Variants in ASCC3 observed in about 807,000 individuals in gnomAD.
ASCC3 encodes the protein ASC-1 complex subunit P200.
A neutral mutation model predicts 256.3 loss-of-function variants in ASCC3; 158 were observed. That is an observed-to-expected ratio of 0.62 (90% confidence interval 0.54 to 0.70). The LOEUF (loss-of-function observed/expected upper bound fraction) is 0.70, where lower values mean the gene tolerates loss of function less well. Ranked by LOEUF, ASCC3 falls within the 30% of genes least tolerant of loss-of-function variation. The probability of loss-of-function intolerance (pLI) is 0.00; values close to 1 mark genes in which losing one functional copy is unlikely to be tolerated. For missense variants in ASCC3, 2,259 were observed against 2,626.0 expected (o/e 0.86, Z 3.05); for synonymous variants, 948 against 883.4 (o/e 1.07, Z -1.30).
intron 36 of ASCC3, among the ~76,000 whole-genome samples, chr6:100,561,035 C>T (rs1388671872): frequency 6.6e-6 from 1 of 151,380 alleles, no homozygotes; most frequent in African/African-American, 2.4e-5. Flanking sequence ...ATATAGCAAC[C>T]AACCACTTGT....
chr6:100,547,635 C>T (rs1017253320), intron 36 of ASCC3, among the ~76,000 whole-genome samples: 1 of 151,952 alleles, frequency 6.6e-6, no homozygotes, highest in African/African-American at 2.4e-5. Context: ...ATAACTGTGA[C>T]ATAGCAAGTG....
At chr6:100,663,844 A>G (rs1318403024) in intron 14 of ASCC3, among the ~76,000 whole-genome samples, 2 of 152,128 alleles carry the variant, frequency 1.3e-5, no homozygotes, top group Non-Finnish European at 2.9e-5. Flanking sequence ...GAAGACACGA[A>G]AACAAAAACG....
intron 4 of ASCC3, among the ~76,000 whole-genome samples, chr6:100,835,401 T>C (rs1242385649): frequency 2.0e-5 from 3 of 152,154 alleles, no homozygotes; most frequent in African/African-American, 7.2e-5. Context: ...AGTAGACTTA[T>C]CATTTCAGAT....
chr6:100,859,723 C>A (rs1411687301), intron 3 of ASCC3, among the ~76,000 whole-genome samples: 4 of 151,880 alleles, frequency 2.6e-5, no homozygotes, highest in African/African-American at 4.8e-5. Context: ...TCATAGTTTT[C>A]TTAAAGATGA....
intron 11 of ASCC3, among the ~76,000 whole-genome samples, chr6:100,723,585 C>A (rs904919269): frequency 1.3e-5 from 2 of 151,078 alleles, no homozygotes; most frequent in African/African-American, 4.9e-5. Flanking sequence ...CTTTACATTT[C>A]CACACTTGAA....
intron 1 of ASCC3, among the ~76,000 whole-genome samples, chr6:100,875,092 G>C (rs1773932629): frequency 6.6e-6 from 1 of 152,166 alleles, no homozygotes; most frequent in African/African-American, 2.4e-5. Context: ...GAACTGTCAA[G>C]GTGGGGTCAA....
intron 39 of ASCC3, among the ~76,000 whole-genome samples, chr6:100,514,851 A>G (rs1482973095): frequency 6.6e-6 from 1 of 152,056 alleles, no homozygotes; most frequent in African/African-American, 2.4e-5. Context: ...GCTTTTTCTC[A>G]TTACTACTGC....
chr6:100,871,659 A>T (rs1302708642), intron 1 of ASCC3, among the ~76,000 whole-genome samples: 1 of 152,110 alleles, frequency 6.6e-6, no homozygotes, highest in African/African-American at 2.4e-5. Context: ...CCAGCTACTC[A>T]GGAGGCTGAG....
chr6:100,561,630 C>T (rs751720937), intron 36 of ASCC3, among the ~76,000 whole-genome samples: 1 of 152,034 alleles, frequency 6.6e-6, no homozygotes, highest in Non-Finnish European at 1.5e-5. Flanking sequence ...CTTCCTTCTT[C>T]ACTGGTTAAA....
chr6:100,509,599 T>G, intron 41 of ASCC3, 66 bp from the exon 42 acceptor site: 2 of 1,500,048 alleles, frequency 1.3e-6, no homozygotes, highest in South Asian at 2.3e-5. Context: ...TTTAATTCTT[T>G]CAGAACTTTG....
At position 100,509,204 on chromosome 6, in the gene ASCC3, A is replaced by G; in HGVS notation, c.*182T>C. On this transcript the variant is annotated 3_prime_UTR_variant, in exon 42 of 42. Coordinates refer to ENST00000369162, the MANE Select transcript of ASCC3 (RefSeq NM_006828.4). ...AACATTATAAAAGGCAACATTTGTTAAAAGGCCACTGTGGTTAACTTTATG... is the reference window on the plus strand; with the variant it reads ...AACATTATAAAAGGCAACATTTGTTGAAAGGCCACTGTGGTTAACTTTATG... The G allele has an allele frequency of 1.4e-6, 1 of 720,702 alleles. No homozygotes were observed. Among genetic ancestry groups the G allele is most frequent in the Non-Finnish European group, 2.4e-6 (1 of 422,412 alleles). 44.6% of individuals were successfully genotyped at this position (720,702 alleles called of 1,614,324 possible).
intron 37 of ASCC3, among the ~76,000 whole-genome samples, chr6:100,523,943 T>C (rs893515816): frequency 5.3e-5 from 8 of 152,156 alleles, no homozygotes; most frequent in African/African-American, 1.9e-4. Context: ...TATGGTGTGA[T>C]AAAAATATTT....
chr6:100,653,847 T>C (rs1007880520), intron 17 of ASCC3, among the ~76,000 whole-genome samples: 14 of 152,056 alleles, frequency 9.2e-5, no homozygotes, highest in Non-Finnish European at 1.8e-4. Context: ...TGTATAAATA[T>C]ATGTATGTAC....
chr6:100,568,676 C>T (rs1321307250), intron 36 of ASCC3, among the ~76,000 whole-genome samples: 1 of 151,176 alleles, frequency 6.6e-6, no homozygotes, highest in African/African-American at 2.4e-5. Flanking sequence ...TTTTGCTGTG[C>T]AGAAGCTCTT....
intron 1 of ASCC3, among the ~76,000 whole-genome samples, chr6:100,877,250 AAT>A (rs1774045410): frequency 6.6e-6 from 1 of 152,174 alleles, no homozygotes; most frequent in Non-Finnish European, 1.5e-5. Flanking sequence ...AAGGGACAAA[AAT>A]AGTCAAAGTG....
intron 14 of ASCC3, among the ~76,000 whole-genome samples, chr6:100,679,254 T>C (rs1777173444): frequency 6.6e-6 from 1 of 151,792 alleles, no homozygotes; most frequent in Non-Finnish European, 1.5e-5. Flanking sequence ...CTGTCAATAT[T>C]AACCTTAGAA....
chr6:100,639,620 A>G (rs1775014005), intron 24 of ASCC3, among the ~76,000 whole-genome samples: 1 of 152,204 alleles, frequency 6.6e-6, no homozygotes, highest in Non-Finnish European at 1.5e-5. Context: ...AGTATTCTGT[A>G]CCTTGAGTTA....
chr6:100,672,351 T>C (rs1465926134), intron 14 of ASCC3, among the ~76,000 whole-genome samples: 1 of 152,038 alleles, frequency 6.6e-6, no homozygotes, highest in Non-Finnish European at 1.5e-5. Flanking sequence ...TATCTGGTCT[T>C]ACCTCCTTCT....
intron 36 of ASCC3, among the ~76,000 whole-genome samples, chr6:100,564,545 C>T (rs1405111852): frequency 6.6e-6 from 1 of 152,124 alleles, no homozygotes; most frequent in Admixed American, 6.6e-5. Flanking sequence ...ACCAGAATTG[C>T]AGCATATTCC....
Sources: allele counts gnomAD v4.1 joint callset (sites outside exome capture counted in the v4.1 genomes callset), GRCh38; gene constraint gnomAD v4.1.1; transcripts MANE v1.5; gene names NCBI Gene and HGNC (gene_info 2026-07-23, HGNC 2026-07-21).